RGS6: variants seen among roughly 807,000 people sequenced by gnomAD.
RGS6 encodes regulator of G-protein signaling 6.
Under a neutral mutation model 78.5 loss-of-function variants are expected in RGS6, and 30 were observed. That is an observed-to-expected ratio of 0.38 (90% confidence interval 0.29 to 0.52). The LOEUF is 0.52. Among genes scored for constraint, RGS6 ranks in the 20% least tolerant of loss-of-function variants. The pLI, the probability that RGS6 is intolerant of heterozygous loss-of-function variation, is 0.85. For synonymous variants in RGS6, 206 were observed against 206.0 expected (o/e 1.00, Z 0.00); for missense variants, 495 against 609.7 (o/e 0.81, Z 1.98).
chr14:72,072,158 G>A (rs2094430694), intron 2 of RGS6, among the ~76,000 whole-genome samples: 1 of 152,156 alleles, frequency 6.6e-6, no homozygotes, highest in African/African-American at 2.4e-5. Context: ...TTTCATGGAG[G>A]AGTGAACTAA....
rs989044113 is a variant in RGS6, at chr14:72,273,525, C to T, written c.85-78570C>T. ...GAAATAAACGACACTGTGCTGCTGGCATTGATAAGCTGTTGAATAGTGCAA... is the reference window on the plus strand; with the variant it reads ...GAAATAAACGACACTGTGCTGCTGGTATTGATAAGCTGTTGAATAGTGCAA... On this transcript the variant is annotated intron_variant, in intron 2 of 17. Transcript: ENST00000553525. Among the ~76,000 whole-genome samples, 4 of 152,104 alleles carry T rather than the reference C, an allele frequency of 2.6e-5. No homozygotes were observed. In the South Asian group the frequency reaches 6.2e-4, roughly 24 times the overall value.
intron 2 of RGS6, among the ~76,000 whole-genome samples, chr14:72,001,478 ACACACACACACACAC>A (rs1566993089): frequency 2.6e-3 from 8 of 3,028 alleles, no homozygotes; most frequent in African/African-American, 5.1e-3. Context: ...CAGAACACAC[ACACACACACACACAC>A]ACACACACAC....
At chr14:72,262,836 C>T (rs1006784585) in intron 2 of RGS6, among the ~76,000 whole-genome samples, 1 of 152,142 alleles carries the variant, frequency 6.6e-6, no homozygotes, top group Non-Finnish European at 1.5e-5. Context: ...CAGCTGGATC[C>T]AGGGTCGATG....
intron 2 of RGS6, among the ~76,000 whole-genome samples, chr14:72,026,421 A>C (rs545155985): frequency 6.6e-6 from 1 of 152,262 alleles, no homozygotes; most frequent in African/African-American, 2.4e-5. Context: ...AGAAAAAAAA[A>C]AGTAGCCATC....
chr14:72,178,697 C>T lies in RGS6; in HGVS notation c.85-173398C>T, dbSNP rs183652613. Among the ~76,000 whole-genome samples the T allele has an allele frequency of 5.6e-4, 86 of 152,270 alleles. 1 individual carries two copies. Among genetic ancestry groups the T allele is most frequent in the Middle Eastern group, 6.8e-3 (2 of 294 alleles). Reference sequence around the variant, plus strand: ...CCTACTCAAGGCTGGGAGGTACTGACGCATTACTGACACCTAGGGATAGGC... The same window carrying T: ...CCTACTCAAGGCTGGGAGGTACTGATGCATTACTGACACCTAGGGATAGGC... On this transcript the variant is annotated intron_variant, in intron 2 of 17. Coordinates refer to ENST00000553525, the MANE Select transcript of RGS6 (RefSeq NM_001204424.2).
At chr14:72,572,152 T>G in the RGS6 span, among the ~76,000 whole-genome samples, 2 of 152,154 alleles carry the variant, frequency 1.3e-5, no homozygotes, top group Non-Finnish European at 2.9e-5. Context: ...AAGGCAGATT[T>G]TAACAAGTGT....
the RGS6 span, among the ~76,000 whole-genome samples, chr14:72,591,771 T>C: frequency 6.6e-6 from 1 of 152,140 alleles, no homozygotes; most frequent in Non-Finnish European, 1.5e-5. Flanking sequence ...CACCCACACA[T>C]AAAAACAGAT....
intron 2 of RGS6, among the ~76,000 whole-genome samples, chr14:72,037,304 C>G (rs2091852032): frequency 6.6e-6 from 1 of 152,202 alleles, no homozygotes; most frequent in African/African-American, 2.4e-5. Flanking sequence ...TGTTCTTTCA[C>G]TCTTCACAAT....
chr14:72,252,807 C>T (rs1167176613), intron 2 of RGS6, among the ~76,000 whole-genome samples: 1 of 152,078 alleles, frequency 6.6e-6, no homozygotes, highest in Non-Finnish European at 1.5e-5. Flanking sequence ...TAGAGGAGGA[C>T]TCTATAAAAT....
At chr14:72,293,453 T>C (rs573814180) in intron 2 of RGS6, among the ~76,000 whole-genome samples, 12 of 152,218 alleles carry the variant, frequency 7.9e-5, no homozygotes, top group Admixed American at 6.5e-4. Flanking sequence ...AGTGTTTGTT[T>C]TCTCTCTCCC....
chr14:72,228,934 A>G (rs1567525680), intron 2 of RGS6, among the ~76,000 whole-genome samples: 1 of 152,176 alleles, frequency 6.6e-6, no homozygotes, highest in Non-Finnish European at 1.5e-5. Flanking sequence ...AGGTGCCTGT[A>G]ATCCCAGCTA....
chr14:72,296,229 G>A (rs1012866789), intron 2 of RGS6, among the ~76,000 whole-genome samples: 3 of 152,162 alleles, frequency 2.0e-5, no homozygotes, highest in Non-Finnish European at 2.9e-5. Flanking sequence ...GTTCCATTGT[G>A]TGAATGAATA....
chr14:72,139,258 C>T (rs1228227520), intron 2 of RGS6, among the ~76,000 whole-genome samples: 2 of 152,166 alleles, frequency 1.3e-5, no homozygotes, highest in African/African-American at 4.8e-5. Context: ...CCCAAGCCAC[C>T]CTTGGTTTCT....
the RGS6 span, among the ~76,000 whole-genome samples, chr14:72,592,475 G>T: frequency 6.6e-6 from 1 of 152,246 alleles, no homozygotes; most frequent in East Asian, 1.9e-4. Context: ...GAGAAACCAT[G>T]ACACAATAGA....
At chr14:72,429,966 T>C (rs572360612) in intron 3 of RGS6, among the ~76,000 whole-genome samples, 1 of 152,204 alleles carries the variant, frequency 6.6e-6, no homozygotes, top group Non-Finnish European at 1.5e-5. Flanking sequence ...GTGAAGAAGG[T>C]ACCTTGCTTC....
At chr14:72,290,574 A>T (rs1187901512) in intron 2 of RGS6, among the ~76,000 whole-genome samples, 4 of 151,916 alleles carry the variant, frequency 2.6e-5, no homozygotes, top group African/African-American at 9.7e-5. Flanking sequence ...GCTTCATGGG[A>T]CCCCCTTCTT....
At chr14:72,471,405 G>A (rs1188685143) in intron 8 of RGS6, among the ~76,000 whole-genome samples, 1 of 152,204 alleles carries the variant, frequency 6.6e-6, no homozygotes, top group East Asian at 1.9e-4. Flanking sequence ...AGCCAGGATG[G>A]TTAGTTAACA....
At chr14:71,897,493 T>C in the RGS6 span, among the ~76,000 whole-genome samples, 1 of 152,110 alleles carries the variant, frequency 6.6e-6, no homozygotes, top group Non-Finnish European at 1.5e-5. Context: ...TCATTACCCA[T>C]TGTTAGATTT....
At position 72,433,815 on chromosome 14, in the gene RGS6, T is replaced by G. The variant is rs575670022; in HGVS notation, c.185-20713T>G. Reference sequence around the variant, plus strand: ...TCACCTAACCTCTCTCTGCCTCACTTTCTTAATCTGAAAAGGGGGGGATGA... The same window carrying G: ...TCACCTAACCTCTCTCTGCCTCACTGTCTTAATCTGAAAAGGGGGGGATGA... On this transcript the variant is annotated intron_variant, in intron 3 of 17. Transcript: ENST00000553525. 2.0e-5 allele frequency among the ~76,000 whole-genome samples: 3 copies of G among 152,306 alleles called. No homozygotes were observed. In the East Asian group the frequency reaches 5.8e-4, roughly 29 times the overall value.
Sources: gnomAD v4.1 joint callset for allele counts (sites outside exome capture counted in the v4.1 genomes callset) on GRCh38, gnomAD v4.1.1 for gene constraint, MANE v1.5 for transcripts, NCBI Gene and HGNC (gene_info 2026-07-23, HGNC 2026-07-21) for gene names.